The following GLYATL2 variants were observed in gnomAD, a reference collection of about 807,000 sequenced individuals.
The protein encoded by GLYATL2 is glycine N-acyltransferase-like protein 2.
GLYATL2 carries 25 observed loss-of-function variants against 21.4 expected under a neutral mutation model. The ratio of observed to expected loss-of-function variants is 1.17; its 90% CI spans 0.85 to 1.63. The LOEUF (loss-of-function observed/expected upper bound fraction) is 1.63, where lower values mean the gene tolerates loss of function less well. Ranked by LOEUF, GLYATL2 falls within the 40% of genes most tolerant of loss-of-function variation. GLYATL2 has a pLI of 0.00. For synonymous variants in GLYATL2, 114 were observed against 118.2 expected (o/e 0.96, Z 0.23); for missense variants, 361 against 343.3 (o/e 1.05, Z -0.41).
intron 1 of GLYATL2, among the ~76,000 whole-genome samples, chr11:58,871,723 G>T (rs1055553494): frequency 1.3e-5 from 2 of 152,100 alleles, no homozygotes; most frequent in Non-Finnish European, 2.9e-5. Context: ...TTGCTATTGT[G>T]AATAGTGCTG....
intron 1 of GLYATL2, among the ~76,000 whole-genome samples, chr11:58,861,652 G>T (rs993673331): frequency 6.6e-6 from 1 of 151,298 alleles, no homozygotes; most frequent in East Asian, 1.9e-4. Context: ...TGTAACATTT[G>T]GTTGTTTAAG....
At chr11:58,869,751 T>C (rs1590735429) in intron 1 of GLYATL2, among the ~76,000 whole-genome samples, 2 of 152,206 alleles carry the variant, frequency 1.3e-5, no homozygotes, top group African/African-American at 4.8e-5. Flanking sequence ...TTTAGCAAGA[T>C]AGCATTAAAA....
At position 58,837,256 on chromosome 11, in the gene GLYATL2, A is replaced by G. The variant is rs1853451604; in HGVS notation, c.313+15T>C. 6.2e-7 allele frequency: 1 copy of G among 1,613,336 alleles called. No individual in the cohort carries two copies. Among genetic ancestry groups the G allele is most frequent in the African/African-American group, 1.3e-5 (1 of 74,840 alleles). ...ATAAACCATGGATCTTTTTCTTTTAACTCAGACTAGTTACCTTGGATCTGC... is the reference window on the plus strand; with the variant it reads ...ATAAACCATGGATCTTTTTCTTTTAGCTCAGACTAGTTACCTTGGATCTGC... On this transcript the variant is annotated intron_variant, in intron 4 of 5. Coordinates refer to ENST00000287275, the MANE Select transcript of GLYATL2 (RefSeq NM_145016.4).
At chr11:58,866,870 G>A (rs1854031557) in intron 1 of GLYATL2, among the ~76,000 whole-genome samples, 1 of 149,318 alleles carries the variant, frequency 6.7e-6, no homozygotes, top group African/African-American at 2.4e-5. Context: ...TCTTGCAAAG[G>A]CAAGTGTCCT....
At chr11:58,888,211 G>T (rs1333763724) in intron 1 of GLYATL2, among the ~76,000 whole-genome samples, 7 of 152,034 alleles carry the variant, frequency 4.6e-5, no homozygotes, top group Admixed American at 4.6e-4. Context: ...GGATACTAGG[G>T]ATACTAACAC....
chr11:58,884,667 A>T (rs536764941), intron 1 of GLYATL2, among the ~76,000 whole-genome samples: 9 of 152,270 alleles, frequency 5.9e-5, no homozygotes, highest in Admixed American at 2.0e-4. Context: ...AATTCATTCC[A>T]CCAGGGAGGA....
At chr11:58,904,732 A>AC (rs567738720), upstream of GLYATL2, among the ~76,000 whole-genome samples, 138 of 151,236 alleles carry the variant, frequency 9.1e-4, 1 homozygote, top group African/African-American at 3.2e-3. Context: ...ACACCACAAG[A>AC]CCCGTGTAAT....
chr11:58,904,736 G>A (rs946121959), upstream of GLYATL2, among the ~76,000 whole-genome samples: 2 of 150,688 alleles, frequency 1.3e-5, no homozygotes, highest in Non-Finnish European at 2.9e-5. Flanking sequence ...CACAAGACCC[G>A]TGTAATTTAA....
At chr11:58,850,624 G>C (rs1396370474) in intron 1 of GLYATL2, among the ~76,000 whole-genome samples, 1 of 152,094 alleles carries the variant, frequency 6.6e-6, no homozygotes. Flanking sequence ...GCCACTAGAT[G>C]GCTCCTTGGT....
At chr11:58,843,594 A>C (rs1024458820) in intron 1 of GLYATL2, among the ~76,000 whole-genome samples, 5 of 152,204 alleles carry the variant, frequency 3.3e-5, no homozygotes, top group African/African-American at 1.2e-4. Context: ...GAAACTTACA[A>C]ACTGTAGCAT....
At chr11:58,854,378 A>G (rs937467832) in intron 1 of GLYATL2, among the ~76,000 whole-genome samples, 5 of 152,212 alleles carry the variant, frequency 3.3e-5, no homozygotes, top group African/African-American at 1.2e-4. Flanking sequence ...CACGAAGTTT[A>G]TGGTTTCCCA....
intron 1 of GLYATL2, among the ~76,000 whole-genome samples, chr11:58,870,542 G>A (rs2856253): frequency 6.6e-6 from 1 of 152,150 alleles, no homozygotes; most frequent in African/African-American, 2.4e-5. Flanking sequence ...AAAGACTAAA[G>A]ACATTCTCCA....
intron 1 of GLYATL2, among the ~76,000 whole-genome samples, chr11:58,873,758 G>C (rs1353636091): frequency 6.6e-6 from 1 of 152,042 alleles, no homozygotes; most frequent in African/African-American, 2.4e-5. Context: ...TTTTTTTGTT[G>C]TGTCTCTGCC....
At chr11:58,882,867 G>T (rs1203140384) in intron 1 of GLYATL2, among the ~76,000 whole-genome samples, 1 of 152,142 alleles carries the variant, frequency 6.6e-6, no homozygotes, top group Non-Finnish European at 1.5e-5. Flanking sequence ...AGATCAGATG[G>T]TTGTAGATGT....
At chr11:58,884,148 C>T (rs997759600) in intron 1 of GLYATL2, among the ~76,000 whole-genome samples, 10 of 152,188 alleles carry the variant, frequency 6.6e-5, no homozygotes, top group Admixed American at 3.3e-4. Context: ...CCTTTGAAAA[C>T]TGGCACAAGA....
intron 1 of GLYATL2, among the ~76,000 whole-genome samples, chr11:58,880,758 T>C (rs679625): frequency 0.71 from 108,566 of 152,040 alleles, 41,058 homozygotes; most frequent in Middle Eastern, 0.88. Flanking sequence ...AAAATTTCCT[T>C]GAGTATTCAA....
rs535813522 is a variant in GLYATL2 at position 58,878,429 on chromosome 11, C to G, written n.60+25727G>C. 1.1e-5 allele frequency: 5 copies of G among 436,720 alleles called. No individual in the cohort carries two copies. In the Admixed American group the frequency reaches 2.2e-4, roughly 19 times the overall value. 27.1% of individuals were successfully genotyped at this position (436,720 alleles called of 1,614,324 possible). ...GATCTTCACACATTTGTGTTTTGAG[C>G]TCTCTGAATTTCCTTGAGCAAATTT... is the stretch of plus-strand genomic sequence containing the variant. On this transcript the variant is annotated intron_variant and non_coding_transcript_variant, in intron 1 of 4. Coordinates refer to the GLYATL2 transcript ENST00000533636.
chr11:58,875,600 G>A (rs957062115), intron 1 of GLYATL2, among the ~76,000 whole-genome samples: 1 of 152,172 alleles, frequency 6.6e-6, no homozygotes, highest in Non-Finnish European at 1.5e-5. Flanking sequence ...TTTTCTTTAA[G>A]AATGTTAAAT....
intron 1 of GLYATL2, among the ~76,000 whole-genome samples, chr11:58,852,206 T>A (rs1230858184): frequency 6.6e-6 from 1 of 152,196 alleles, no homozygotes; most frequent in Non-Finnish European, 1.5e-5. Context: ...CCCTTAACCC[T>A]CTTTCCATGA....
Sources: gnomAD v4.1 joint callset for allele counts (sites outside exome capture counted in the v4.1 genomes callset) on GRCh38, gnomAD v4.1.1 for gene constraint, MANE v1.5 for transcripts, NCBI Gene and HGNC (gene_info 2026-07-23, HGNC 2026-07-21) for gene names.